Variants in NAP1L4 observed in about 807,000 individuals in gnomAD.
The protein encoded by NAP1L4 is nucleosome assembly protein 1-like 4.
In NAP1L4, 15 loss-of-function variants were observed where a neutral mutation model predicts 58.2. The observed-to-expected ratio is 0.26, with a 90% CI of 0.17 to 0.40. NAP1L4 has a LOEUF of 0.40. NAP1L4 is among the 10% of genes least tolerant of loss of function. NAP1L4 has a pLI of 1.00. For synonymous variants in NAP1L4, 171 were observed against 155.6 expected (o/e 1.10, Z -0.74); for missense variants, 384 against 451.1 (o/e 0.85, Z 1.35).
chr11:2,962,839 T>C (rs1847012426), intron 8 of NAP1L4, among the ~76,000 whole-genome samples: 2 of 152,064 alleles, frequency 1.3e-5, no homozygotes, highest in South Asian at 4.2e-4. Flanking sequence ...TGGTGGCTCA[T>C]GCCTGTAATC....
At chr11:2,976,192 T>A in intron 3 of NAP1L4, 69 bp from the exon 4 acceptor site, 2 of 1,145,936 alleles carry the variant, frequency 1.7e-6, no homozygotes, top group East Asian at 2.4e-5. Flanking sequence ...AGTCAAAAAT[T>A]AGTAACATAT....
chr11:2,963,639 C>T, intron 8 of NAP1L4: 1 of 453,458 alleles, frequency 2.2e-6, no homozygotes, highest in Non-Finnish European at 4.4e-6. Context: ...AATCCCACTC[C>T]TAGTGGCCCT....
intron 1 of NAP1L4, among the ~76,000 whole-genome samples, chr11:2,986,164 G>A (rs1423092366): frequency 6.6e-6 from 1 of 151,980 alleles, no homozygotes; most frequent in East Asian, 1.9e-4. Flanking sequence ...ACATGAGGTC[G>A]GGAGTTCGAG....
intron 2 of NAP1L4, among the ~76,000 whole-genome samples, chr11:2,978,988 G>A (rs1361934473): frequency 1.3e-5 from 2 of 152,204 alleles, no homozygotes; most frequent in South Asian, 2.1e-4. Context: ...AGAGCAAAAC[G>A]ATTGCTTTCC....
rs6578302 is a variant in NAP1L4, at chr11:2,949,637, G to C, written c.1123-373C>G. ...CACCATTAGCCGGAACATGTTTTTA[G>C]TCCCTTCTCCCCCAACCAACATAAC... On this transcript the variant is annotated intron_variant, in intron 14 of 15. Coordinates refer to ENST00000380542, the MANE Select transcript of NAP1L4 (RefSeq NM_005969.4). The surrounding 1 kb of genome is among the most constrained non-coding windows in gnomAD (Gnocchi z 4.0). 0.085 allele frequency among the ~76,000 whole-genome samples: 12,938 copies of C among 152,196 alleles called. 1,811 individuals carry two copies. The highest frequency in any genetic ancestry group is 0.29 in the African/African-American group (12,223 of 41,458).
rs1056651221 is a variant in NAP1L4, at chr11:2,955,159, C to T, written c.916-513G>A. Among the ~76,000 whole-genome samples, 5 of 151,556 alleles carry T rather than the reference C, an allele frequency of 3.3e-5. No homozygotes were observed. The highest frequency in any genetic ancestry group is 2.1e-4 in the South Asian group (1 of 4,778). ...CCAGCCTCAAGCTCCTGGGCCCCAG[C>T]GACCCTGGAACTACACAGTGCACCA... On this transcript the variant is annotated intron_variant, in intron 11 of 15. Transcript: ENST00000380542. The surrounding 1 kb of genome is among the most constrained non-coding windows in gnomAD (Gnocchi z 4.2).
Position 2,947,616 on chromosome 11 carries a change from C to T in NAP1L4, c.*32+1611G>A, listed in dbSNP as rs77814167. Among the ~76,000 whole-genome samples the T allele has an allele frequency of 3.0e-3, 448 of 151,062 alleles. 2 individuals carry two copies. Among genetic ancestry groups the T allele is most frequent in the Admixed American group, 5.0e-3 (76 of 15,252 alleles). ...AATTGTTTTTAGCTTGTGACACATGCCGAAAAAAAAAAAACTACACCTAAA... is the reference window on the plus strand; with the variant it reads ...AATTGTTTTTAGCTTGTGACACATGTCGAAAAAAAAAAAACTACACCTAAA... On this transcript the variant is annotated intron_variant, in intron 15 of 15. Transcript: ENST00000380542.
chr11:2,954,415 T>C lies in NAP1L4; in HGVS notation c.1035+112A>G. The C allele has an allele frequency of 6.9e-7, 1 of 1,454,888 alleles. No individual in the cohort carries two copies. The allele number at this position is 1,454,888 out of a possible 1,614,324, so 90.1% of individuals were successfully genotyped here. A position where few individuals can be genotyped will look rare whatever the true frequency, so the allele number is the denominator to read the frequency against. On this transcript the variant is annotated intron_variant, in intron 12 of 15. Transcript: ENST00000380542. This position sits in a 1 kb window ranked among gnomAD's most constrained non-coding sequence, Gnocchi z 4.8. ...CAGCTTGGACTACATATCTGGCTGA[T>C]GATGTAATAAAAAGATTAGGCATGG...
intron 1 of NAP1L4, among the ~76,000 whole-genome samples, chr11:2,983,177 C>T (rs533706565): frequency 6.6e-6 from 1 of 152,308 alleles, no homozygotes; most frequent in Admixed American, 6.5e-5. Context: ...ATGCTGTTCA[C>T]TATGCAGCCC....
chr11:2,974,323 C>A (rs1475293327), intron 4 of NAP1L4, among the ~76,000 whole-genome samples: 2 of 152,166 alleles, frequency 1.3e-5, no homozygotes, highest in Non-Finnish European at 2.9e-5. Flanking sequence ...TACACCCAGC[C>A]CTCTGCCGGC....
chr11:2,971,450 C>A lies in NAP1L4; in HGVS notation c.400G>T (p.Ala134Ser). 6.2e-7 allele frequency: 1 copy of A among 1,613,362 alleles called. No homozygotes were observed. The highest frequency in any genetic ancestry group is 8.5e-7 in the Non-Finnish European group (1 of 1,179,792). ...HSENEEEEKLAGDMKSKVVVT... is the reference protein window; with the variant it reads ...HSENEEEEKLSGDMKSKVVVT... Reference sequence around the variant, plus strand: ...GTCACATGTTTCTAAAGACTTACAGCCAATTTCTCTTCCTCTTCATTTTCA... The same window carrying A: ...GTCACATGTTTCTAAAGACTTACAGACAATTTCTCTTCCTCTTCATTTTCA... The change falls in exon 6 of 16, where the codon GCT becomes TCT. Residue 134 changes from alanine to serine, a missense_variant and splice_region_variant. Physicochemically the swap from Ala to Ser is moderately conservative, Grantham distance 99. Coordinates refer to ENST00000380542, the MANE Select transcript of NAP1L4 (RefSeq NM_005969.4). The surrounding 1 kb of genome is among the most constrained non-coding windows in gnomAD (Gnocchi z 4.2).
Position 2,955,882 on chromosome 11 carries a change from G to T in NAP1L4, c.893-116C>A. 2 of 930,298 alleles carry T rather than the reference G, an allele frequency of 2.1e-6. No individual in the cohort carries two copies. Among genetic ancestry groups the T allele is most frequent in the South Asian group, 1.6e-5 (1 of 63,878 alleles). The allele number at this position is 930,298 out of a possible 1,614,324, so 57.6% of individuals were successfully genotyped here. The stretch of plus-strand genomic sequence containing the variant: ...AAAATGTAACATTTCTCACCTCGAG[G>T]TTTAACAGAAATCCCCAAAGCCTTG... On this transcript the variant is annotated intron_variant, in intron 10 of 15. Transcript: ENST00000380542. The surrounding 1 kb of genome is among the most constrained non-coding windows in gnomAD (Gnocchi z 4.2).
intron 5 of NAP1L4, 62 bp downstream of exon 5, chr11:2,972,040 C>A: frequency 6.9e-7 from 1 of 1,439,010 alleles, no homozygotes; most frequent in East Asian, 2.5e-5. Flanking sequence ...ATGGGTTTAT[C>A]GGAACCTAAC....
rs942081819 is a variant in NAP1L4 at position 2,946,576 on chromosome 11, G to A, written c.*33-930C>T. Among the ~76,000 whole-genome samples the A allele has an allele frequency of 6.6e-5, 10 of 152,206 alleles. 1 individual carries two copies. Among genetic ancestry groups the A allele is most frequent in the Admixed American group, 5.2e-4 (8 of 15,298 alleles). ...GAACCTAAGAACTTGTACTGTATGG[G>A]GCAAAAAGATCCCTGGGTTACCATA... is the stretch of plus-strand genomic sequence containing the variant. On this transcript the variant is annotated intron_variant, in intron 15 of 15. Coordinates refer to ENST00000380542, the MANE Select transcript of NAP1L4 (RefSeq NM_005969.4). The surrounding 1 kb of genome is among the most constrained non-coding windows in gnomAD (Gnocchi z 4.8).
At position 2,969,956 on chromosome 11, in the gene NAP1L4, G is replaced by A. The variant is rs542084273; in HGVS notation, c.403-22C>T. 2.6e-4 allele frequency: 420 copies of A among 1,598,922 alleles called. 1 individual carries two copies. The South Asian group carries it at 4.5e-3, about 17-fold the overall frequency. ...CTCCCTAAAAAAAAGATGCAACATA[G>A]GTAACGAAAATAAAAGTTTACAAAC... is the stretch of plus-strand genomic sequence containing the variant. On this transcript the variant is annotated intron_variant, in intron 6 of 15. Coordinates refer to ENST00000380542, the MANE Select transcript of NAP1L4 (RefSeq NM_005969.4).
At chr11:2,969,975 T>C (rs1847540877) in intron 6 of NAP1L4, 41 bp from the exon 7 acceptor site, 1 of 1,588,146 alleles carries the variant, frequency 6.3e-7, no homozygotes, top group South Asian at 1.1e-5. Flanking sequence ...AATAAAAGTT[T>C]ACAAACAATG....
intron 1 of NAP1L4, chr11:2,989,164 G>A (rs1848812503): frequency 6.6e-6 from 1 of 152,142 alleles, no homozygotes; most frequent in Non-Finnish European, 1.5e-5. Context: ...CTGAGGCCAG[G>A]TAACAGCAGT....
In NAP1L4 at chr11:2,979,232, T is replaced by C; in HGVS notation, c.-12A>G. 1 of 1,609,464 alleles carries C rather than the reference T, an allele frequency of 6.2e-7. No homozygotes were observed. The highest frequency in any genetic ancestry group is 8.5e-7 in the Non-Finnish European group (1 of 1,177,480). ...CTGTGATCTGCCATCTGAATGTTTT[T>C]ATCCCCTATAAATTAAAAAGAGTTG... On this transcript the variant is annotated 5_prime_UTR_variant, in exon 2 of 16. The change creates a new upstream start codon in the 5' untranslated region. Transcript: ENST00000380542.
chr11:2,978,163 T>G, intron 3 of NAP1L4, 121 bp downstream of exon 3: 1 of 866,170 alleles, frequency 1.2e-6, no homozygotes, highest in Non-Finnish European at 1.8e-6. Flanking sequence ...TTCATTTTAA[T>G]TACTCTAGCT....
Sources: allele counts gnomAD v4.1 joint callset (sites outside exome capture counted in the v4.1 genomes callset), GRCh38; gene constraint gnomAD v4.1.1; non-coding constraint Gnocchi (gnomAD v3.1); transcripts MANE v1.5; gene names NCBI Gene and HGNC (gene_info 2026-07-23, HGNC 2026-07-21).